Variants in RBFOX1 observed in about 807,000 individuals in gnomAD.
RBFOX1 encodes the protein RNA binding fox-1 homolog 1.
RBFOX1 carries 8 observed loss-of-function variants against 57.7 expected under a neutral mutation model. That is an observed-to-expected ratio of 0.14 (90% CI 0.08 to 0.25). The LOEUF is 0.25. Ranked by LOEUF, RBFOX1 falls within the 10% of genes least tolerant of loss-of-function variation. The probability of loss-of-function intolerance (pLI) is 1.00; values close to 1 mark genes in which losing one functional copy is unlikely to be tolerated. For missense variants in RBFOX1, 611 were observed against 548.5 expected (o/e 1.11, Z -1.14); for synonymous variants, 326 against 222.4 (o/e 1.47, Z -4.15).
intron 2 of RBFOX1, among the ~76,000 whole-genome samples, chr16:6,343,627 C>G (rs2084899984): frequency 6.6e-6 from 1 of 152,162 alleles, no homozygotes; most frequent in South Asian, 2.1e-4. Context: ...TTCATGTTTC[C>G]ATGCTTCCTA....
chr16:7,638,683 A>G (rs1012938138), intron 11 of RBFOX1, among the ~76,000 whole-genome samples: 1 of 151,974 alleles, frequency 6.6e-6, no homozygotes, highest in African/African-American at 2.4e-5. Context: ...CAGCGACTCA[A>G]CTCTTGTTAT....
chr16:7,557,797 C>A (rs9933293), intron 5 of RBFOX1, among the ~76,000 whole-genome samples: 20 of 151,862 alleles, frequency 1.3e-4, no homozygotes, highest in Non-Finnish European at 2.9e-4. Flanking sequence ...GGGGAAGGAG[C>A]GGGAGAGGGC....
At chr16:5,776,734 C>T (rs186899962) in intron 3 of RBFOX1, among the ~76,000 whole-genome samples, 111 of 152,330 alleles carry the variant, frequency 7.3e-4, no homozygotes, top group African/African-American at 2.7e-3. Context: ...CTCCAACACC[C>T]ACAGTGATGA....
chr16:5,833,931 A>C (rs1363321718), intron 3 of RBFOX1, among the ~76,000 whole-genome samples: 1 of 152,156 alleles, frequency 6.6e-6, no homozygotes, highest in Non-Finnish European at 1.5e-5. Flanking sequence ...AGAGGATGAC[A>C]CTTTTGTGGC....
At chr16:7,155,730 T>TACACACAC (rs1387441093) in intron 4 of RBFOX1, among the ~76,000 whole-genome samples, 1 of 82,036 alleles carries the variant, frequency 1.2e-5, no homozygotes, top group African/African-American at 6.9e-5. Flanking sequence ...TATATATATA[T>TACACACAC]ATATATATAC....
At chr16:5,281,604 C>G (rs926967042) in intron 1 of RBFOX1, among the ~76,000 whole-genome samples, 3 of 152,140 alleles carry the variant, frequency 2.0e-5, no homozygotes, top group African/African-American at 7.2e-5. Flanking sequence ...TGTCTGTATG[C>G]TCTTATGTTG....
chr16:7,602,052 C>T (rs187705355), intron 9 of RBFOX1, among the ~76,000 whole-genome samples: 136 of 152,196 alleles, frequency 8.9e-4, no homozygotes, highest in Admixed American at 1.5e-3. Flanking sequence ...ATTCCTGTAG[C>T]GTACATAAGG....
intron 1 of RBFOX1, among the ~76,000 whole-genome samples, chr16:5,353,094 C>T (rs1567374637): frequency 6.6e-6 from 1 of 152,040 alleles, no homozygotes; most frequent in East Asian, 2.0e-4. Context: ...TTTGTTCAGG[C>T]TGGGTGTGGT....
chr16:5,578,299 A>G (rs12446776), intron 2 of RBFOX1, among the ~76,000 whole-genome samples: 55,478 of 151,962 alleles, frequency 0.37, 11,724 homozygotes, highest in East Asian at 0.53. Flanking sequence ...CTCATTCATC[A>G]GGAGGCACCT....
At chr16:7,512,206 G>A (rs1567598745) in intron 4 of RBFOX1, among the ~76,000 whole-genome samples, 2 of 152,176 alleles carry the variant, frequency 1.3e-5, no homozygotes, top group African/African-American at 2.4e-5. Context: ...GCCTGTCACT[G>A]TCCCCTACAT....
intron 2 of RBFOX1, among the ~76,000 whole-genome samples, chr16:6,378,285 C>T (rs1013838327): frequency 2.4e-4 from 37 of 152,220 alleles, no homozygotes; most frequent in Admixed American, 3.9e-4. Flanking sequence ...CACCTTTCAC[C>T]TCTCACGGAG....
rs528408078 is a variant in RBFOX1 at position 6,336,693 on chromosome 16, TG to T, written c.-64+19643del. ...AAAGCCATAAGATTCTGTAAAGAGG[TG>T]GGGGGGAAATTGGATGAGATGATAG... On this transcript the variant is annotated intron_variant, in intron 2 of 15. Transcript: ENST00000550418. Among the ~76,000 whole-genome samples the T allele has an allele frequency of 8.6e-4, 131 of 151,636 alleles. 1 individual carries two copies. The highest frequency in any genetic ancestry group is 3.0e-3 in the African/African-American group (122 of 41,294).
chr16:6,952,249 T>C (rs995935296), intron 3 of RBFOX1, among the ~76,000 whole-genome samples: 1 of 152,182 alleles, frequency 6.6e-6, no homozygotes, highest in Non-Finnish European at 1.5e-5. Flanking sequence ...CTGCTACGTT[T>C]CTGTAGATTT....
chr16:6,947,794 G>T (rs1409561444), intron 3 of RBFOX1, among the ~76,000 whole-genome samples: 2 of 151,720 alleles, frequency 1.3e-5, no homozygotes, highest in African/African-American at 4.8e-5. Context: ...TTCATTTTTT[G>T]GAGATGGAGT....
chr16:6,195,252 G>A (rs578253356), intron 1 of RBFOX1, among the ~76,000 whole-genome samples: 10 of 152,206 alleles, frequency 6.6e-5, no homozygotes, highest in East Asian at 3.9e-4. Context: ...TTTAGAGTCC[G>A]CCATCTTGCC....
intron 4 of RBFOX1, among the ~76,000 whole-genome samples, chr16:7,467,167 A>G (rs780417778): frequency 3.9e-5 from 6 of 152,232 alleles, no homozygotes; most frequent in Non-Finnish European, 7.3e-5. Flanking sequence ...AGGAAATCAG[A>G]CTTCTTTGCA....
At chr16:6,852,175 G>T (rs1323692941) in intron 3 of RBFOX1, among the ~76,000 whole-genome samples, 2 of 152,118 alleles carry the variant, frequency 1.3e-5, no homozygotes, top group Non-Finnish European at 2.9e-5. Flanking sequence ...TCACTGGCCT[G>T]CAACCAAGGT....
intron 4 of RBFOX1, among the ~76,000 whole-genome samples, chr16:7,394,235 CAAAAAAAAAAAAAAAA>C (rs59934126): frequency 1.8e-5 from 1 of 55,038 alleles, no homozygotes. Flanking sequence ...GACTCCGCAT[CAAAAAAAAAAAAAAAA>C]AAAAAAAAAA....
chr16:6,070,367 A>G (rs1028232762), intron 1 of RBFOX1, among the ~76,000 whole-genome samples: 1 of 152,216 alleles, frequency 6.6e-6, no homozygotes, highest in Non-Finnish European at 1.5e-5. Flanking sequence ...GAGTGCCTGC[A>G]TTATTTCATA....
Sources: allele counts gnomAD v4.1 joint callset (sites outside exome capture counted in the v4.1 genomes callset), GRCh38; gene constraint gnomAD v4.1.1; transcripts MANE v1.5; gene names NCBI Gene and HGNC (gene_info 2026-07-23, HGNC 2026-07-21).